Variants in TCF20 observed in about 807,000 individuals in gnomAD.
TCF20 encodes the protein transcription factor 20, also known as SPRE-binding protein.
In TCF20, 3 loss-of-function variants were observed where a neutral mutation model predicts 148.6. The observed-to-expected ratio is 0.02, with a 90% CI of 0.01 to 0.05. The LOEUF is 0.05. Among genes scored for constraint, TCF20 ranks in the 10% least tolerant of loss-of-function variants. TCF20 has a pLI of 1.00. For synonymous variants in TCF20, 1,049 were observed against 909.5 expected, an observed-to-expected ratio of 1.15 and a Z score of -2.76; for missense variants, 2,350 against 2,429.3, an observed-to-expected ratio of 0.97 and a Z score of 0.69.
At chr22:42,298,315 G>GT in intron 1 of TCF20, among the ~76,000 whole-genome samples, 1 of 152,362 alleles carries the variant, frequency 6.6e-6, no homozygotes, top group South Asian at 2.1e-4. Context: ...GTAGGTGAAG[G>GT]TGGGCACATG....
At position 42,317,383 on chromosome 22, in the gene TCF20, G is replaced by A. The variant is rs1429059939; in HGVS notation, c.-37+26096C>T. ...GAGTGCGTGTTTATGTGTGTGGTGG[G>A]GAAGGAGGGGCGGCGCTGGGTGACG... On this transcript the variant is annotated intron_variant, in intron 1 of 1. Coordinates refer to the TCF20 transcript ENST00000515426. The surrounding 1 kb of genome is among the most constrained non-coding windows in gnomAD (Gnocchi z 4.2). Among the ~76,000 whole-genome samples the A allele has an allele frequency of 6.6e-6, 1 of 152,160 alleles. No homozygotes were observed. The highest frequency in any genetic ancestry group is 1.5e-5 in the Non-Finnish European group (1 of 68,026).
chr22:42,210,542 C>T lies in TCF20; in HGVS notation c.4764G>A (p.Lys1588=). The change falls in exon 2 of 6, where the codon AAG becomes AAA. Residue 1588 remains lysine, a synonymous_variant. Transcript: ENST00000677622. This position sits in a 1 kb window ranked among gnomAD's most constrained non-coding sequence, Gnocchi z 4.7. ...KKQRQRRERR[K]PGAQPRKRKT... is the part of the protein sequence containing the mutation. ...TTCGCTTCCTCGGCTGGGCCCCAGGCTTCCTTCTCTCCCTCCTTTGCCTCT... is the reference window on the plus strand; with the variant it reads ...TTCGCTTCCTCGGCTGGGCCCCAGGTTTCCTTCTCTCCCTCCTTTGCCTCT... 2 of 1,614,210 alleles carry T rather than the reference C, an allele frequency of 1.2e-6. No homozygotes were observed. The highest frequency in any genetic ancestry group is 1.7e-6 in the Non-Finnish European group (2 of 1,180,036).
chr22:42,282,718 A>C (rs1014223896), intron 1 of TCF20, among the ~76,000 whole-genome samples: 8 of 152,132 alleles, frequency 5.3e-5, no homozygotes, highest in African/African-American at 1.9e-4. Flanking sequence ...GAGCTGGGAC[A>C]GCGCCTGGGG....
intron 1 of TCF20, among the ~76,000 whole-genome samples, chr22:42,256,976 TAG>T (rs1925778972): frequency 6.6e-6 from 1 of 152,140 alleles, no homozygotes; most frequent in Admixed American, 6.5e-5. Context: ...CTGGTCAACA[TAG>T]AGAGACCCCA....
intron 1 of TCF20, among the ~76,000 whole-genome samples, chr22:42,333,558 G>A (rs1184278284): frequency 6.6e-6 from 1 of 152,250 alleles, no homozygotes. Context: ...GTTTCGGTAA[G>A]GAACCAGTGG....
intron 3 of TCF20, among the ~76,000 whole-genome samples, chr22:42,178,687 A>G (rs1225541961): frequency 7.3e-6 from 1 of 137,088 alleles, no homozygotes; most frequent in East Asian, 2.1e-4. Flanking sequence ...GGTTCAAGTG[A>G]TTCTCCTGCC....
At chr22:42,175,919 T>C (rs1936418457) in intron 3 of TCF20, among the ~76,000 whole-genome samples, 1 of 151,850 alleles carries the variant, frequency 6.6e-6, no homozygotes, top group East Asian at 1.9e-4. Context: ...TCAGCCTCCC[T>C]GGGTAGCTGG....
chr22:42,193,373 G>T (rs1411771584), intron 2 of TCF20, among the ~76,000 whole-genome samples: 1 of 149,760 alleles, frequency 6.7e-6, no homozygotes, highest in African/African-American at 2.5e-5. Context: ...CTTTGATTGT[G>T]CCACTGTACT....
At chr22:42,221,987 C>T (rs1267509872) in intron 1 of TCF20, among the ~76,000 whole-genome samples, 1 of 152,034 alleles carries the variant, frequency 6.6e-6, no homozygotes, top group Non-Finnish European at 1.5e-5. Flanking sequence ...ATCCGCCCGC[C>T]TCAGCCTCCC....
At chr22:42,277,904 G>C (rs1380176959) in intron 1 of TCF20, among the ~76,000 whole-genome samples, 1 of 152,214 alleles carries the variant, frequency 6.6e-6, no homozygotes, top group Non-Finnish European at 1.5e-5. Context: ...CTGGTCTTCA[G>C]CTTCATCCTC....
rs1393252617 is a variant in TCF20 at position 42,214,223 on chromosome 22, G to A, written c.1083C>T (p.His361=). The change falls in exon 2 of 6, where the codon CAC becomes CAT. Residue 361 remains histidine (H), a synonymous_variant. Coordinates refer to ENST00000677622, the MANE Select transcript of TCF20 (RefSeq NM_001378418.1). The part of the protein sequence containing the change: ...EVPVRSPMQF[H]QNFSPISNPS... Reference sequence around the variant, plus strand: ...GGTTAGAAATGGGGCTGAAGTTCTGGTGAAACTGCATGGGGGACCTCACAG... The same window carrying A: ...GGTTAGAAATGGGGCTGAAGTTCTGATGAAACTGCATGGGGGACCTCACAG... 2 of 1,614,218 alleles carry A rather than the reference G, an allele frequency of 1.2e-6. No individual in the cohort carries two copies. Among genetic ancestry groups the A allele is most frequent in the Non-Finnish European group, 1.7e-6 (2 of 1,180,032 alleles).
rs534596474 is a variant in TCF20, at chr22:42,163,682, TG to T, written c.*45-2325del. ...CCTAGGGGCTGCGTATGCTAGGGCA[TG>T]GGGTGTGGCTGAGAGACGGCTGGGT... is the stretch of plus-strand genomic sequence containing the variant. On this transcript the variant is annotated intron_variant, in intron 5 of 5. Transcript: ENST00000677622. 5.1e-3 allele frequency among the ~76,000 whole-genome samples: 774 copies of T among 152,276 alleles called. 1 individual carries two copies. The highest frequency in any genetic ancestry group is 9.0e-3 in the Non-Finnish European group (615 of 67,994).
chr22:42,331,305 C>G (rs1266096666), intron 1 of TCF20, among the ~76,000 whole-genome samples: 1 of 152,200 alleles, frequency 6.6e-6, no homozygotes, highest in African/African-American at 2.4e-5. Flanking sequence ...TCCTGCCGCA[C>G]GCCCTGGAAA....
chr22:42,261,291 T>G (rs1926016351), intron 1 of TCF20, among the ~76,000 whole-genome samples: 1 of 152,250 alleles, frequency 6.6e-6, no homozygotes, highest in Admixed American at 6.5e-5. Context: ...GCTATTAATA[T>G]TCTTATGTAA....
In TCF20 at chr22:42,209,881, T is replaced by C. The variant is rs528464118; in HGVS notation, c.5425A>G (p.Lys1809Glu). 2.4e-5 allele frequency: 39 copies of C among 1,614,188 alleles called. No individual in the cohort carries two copies. The South Asian group carries it at 3.5e-4, about 15-fold the overall frequency. The change falls in exon 2 of 6, where the codon AAA (lysine) becomes GAA (glutamate). Residue 1809 changes from lysine to glutamate, a missense_variant. Lys to Glu is a moderately conservative substitution (Grantham distance 56, BLOSUM62 1). Coordinates refer to ENST00000677622, the MANE Select transcript of TCF20 (RefSeq NM_001378418.1). The part of the protein sequence containing the change: ...PRSLSRGLPC[K>E]KAATEGSSEK... ...CTGCTGCCCTCAGTGGCTGCTTTTT[T>C]ACAAGGGAGCCCCCTGGACAGGGAC...
intron 1 of TCF20, among the ~76,000 whole-genome samples, chr22:42,283,163 G>A (rs1380534320): frequency 1.3e-5 from 2 of 152,242 alleles, no homozygotes; most frequent in Non-Finnish European, 2.9e-5. Flanking sequence ...TTCATTGTTG[G>A]CGTTTCTCTC....
At chr22:42,254,989 A>G (rs1233405844) in intron 1 of TCF20, among the ~76,000 whole-genome samples, 3 of 145,088 alleles carry the variant, frequency 2.1e-5, no homozygotes, top group Admixed American at 1.4e-4. Flanking sequence ...AGGTAGAGGA[A>G]AAACATGATT....
intron 1 of TCF20, among the ~76,000 whole-genome samples, chr22:42,313,631 G>A (rs1278002309): frequency 3.1e-5 from 4 of 127,332 alleles, no homozygotes; most frequent in Admixed American, 9.6e-5. Context: ...ACAGAGTCTC[G>A]CTTTGTCGCC....
intron 1 of TCF20, among the ~76,000 whole-genome samples, chr22:42,224,377 C>G (rs1922658617): frequency 6.6e-6 from 1 of 151,524 alleles, no homozygotes; most frequent in African/African-American, 2.4e-5. Flanking sequence ...GAGGCTGAGG[C>G]AGGAGAATGG....
Sources: allele counts gnomAD v4.1 joint callset (sites outside exome capture counted in the v4.1 genomes callset), GRCh38; gene constraint gnomAD v4.1.1; non-coding constraint Gnocchi (gnomAD v3.1); transcripts MANE v1.5; gene names NCBI Gene and HGNC (gene_info 2026-07-23, HGNC 2026-07-21).